The following NSUN7 variants were observed in gnomAD, a reference collection of about 807,000 sequenced individuals.
The protein encoded by NSUN7 is NOP2/Sun RNA methyltransferase family member 7.
A neutral mutation model predicts 58.5 loss-of-function variants in NSUN7; 39 were observed. That is an observed-to-expected ratio of 0.67 (90% CI 0.52 to 0.87). NSUN7 has a LOEUF of 0.87. NSUN7 is among the 40% of genes least tolerant of loss of function. The pLI is 0.00. For synonymous variants in NSUN7, 278 were observed against 303.7 expected (o/e 0.92, Z 0.88); for missense variants, 765 against 844.1 (o/e 0.91, Z 1.16).
Position 40,776,069 on chromosome 4 carries a change from T to C in NSUN7, c.846T>C (p.Ala282=). 1 of 1,604,990 alleles carries C rather than the reference T, an allele frequency of 6.2e-7. No individual in the cohort carries two copies. The highest frequency in any genetic ancestry group is 1.7e-4 in the Middle Eastern group (1 of 6,026). ...TACAGGACAAATCTCGAAGTCTTGC[T>C]GTCCATTCTGTAAAGGCTTTATTAA... ...LIFQDKSRSL[A]VHSVKALLNM... The change falls in exon 7 of 12, where the codon GCT becomes GCC. Residue 282 remains alanine, a synonymous_variant. Coordinates refer to ENST00000381782, the MANE Select transcript of NSUN7 (RefSeq NM_024677.6).
In NSUN7 at chr4:40,774,943, T is replaced by C. The variant is rs772198680; in HGVS notation, c.818T>C (p.Ile273Thr). The C allele has an allele frequency of 5.4e-6, 6 of 1,106,082 alleles. No homozygotes were observed. Among genetic ancestry groups the C allele is most frequent in the African/African-American group, 3.1e-5 (2 of 63,554 alleles). The allele number at this position is 1,106,082 out of a possible 1,614,324, so 68.5% of individuals were successfully genotyped here. The change falls in exon 6 of 12, where the codon ATA becomes ACA. Residue 273 changes from isoleucine to threonine, a missense_variant. By Grantham distance (89) the Ile-to-Thr change is moderately conservative. Coordinates refer to ENST00000381782, the MANE Select transcript of NSUN7 (RefSeq NM_024677.6). ...GATCTTTTCAAAGATTACAAACTTA[T>C]ATTTCAGGTAAACTAATATTTACTT... is the stretch of plus-strand genomic sequence containing the variant. ...NIDLFKDYKLIFQDKSRSLAV... is the reference protein window; with the variant it reads ...NIDLFKDYKLTFQDKSRSLAV...
intron 4 of NSUN7, among the ~76,000 whole-genome samples, chr4:40,764,512 C>G (rs1245443823): frequency 6.6e-6 from 1 of 151,976 alleles, no homozygotes; most frequent in Non-Finnish European, 1.5e-5. Context: ...CAAGTCTTTG[C>G]TATTGTGAAT....
At chr4:40,802,878 T>C (rs1163219501) in intron 10 of NSUN7, among the ~76,000 whole-genome samples, 3 of 150,832 alleles carry the variant, frequency 2.0e-5, no homozygotes, top group Non-Finnish European at 4.4e-5. Context: ...CATGCTGGTG[T>C]GCTGCACCCA....
At chr4:40,751,839 T>A (rs1231095429) in intron 2 of NSUN7, among the ~76,000 whole-genome samples, 3 of 151,966 alleles carry the variant, frequency 2.0e-5, no homozygotes, top group Admixed American at 6.6e-5. Context: ...CAAAAAAAAA[T>A]TTAAAAATTA....
chr4:40,750,747 C>A lies in NSUN7; in HGVS notation c.54C>A (p.Ile18=), dbSNP rs778133724. 5.0e-6 allele frequency: 8 copies of A among 1,614,126 alleles called. No individual in the cohort carries two copies. In the Admixed American group the frequency reaches 1.3e-4, roughly 27 times the overall value. ...LEFSNEEDPE[I]ISQLTSLPLS... ...TTTCGAACGAAGAAGATCCCGAGAT[C>A]ATCTCCCAACTCACTTCCCTGCCTC... is the stretch of plus-strand genomic sequence containing the variant. Residue 18 remains isoleucine, a synonymous_variant, in exon 2 of 12, where the codon ATC becomes ATA. Transcript: ENST00000381782.
chr4:40,751,038 CGA>C, intron 2 of NSUN7, 47 bp downstream of exon 2: 1 of 1,587,132 alleles, frequency 6.3e-7, no homozygotes. Flanking sequence ...AAAATAATAG[CGA>C]GAGAATTTGG....
chr4:40,750,641 A>G lies in NSUN7; in HGVS notation c.-53A>G. The G allele has an allele frequency of 6.3e-7, 1 of 1,583,524 alleles. No homozygotes were observed. The highest frequency in any genetic ancestry group is 1.1e-5 in the South Asian group (1 of 87,570). Reference sequence around the variant, plus strand: ...GATGCGAGGAAAGCCGTTTCCTGGAACATCGGAATTCTAACCCCAGGGTGA... The same window carrying G: ...GATGCGAGGAAAGCCGTTTCCTGGAGCATCGGAATTCTAACCCCAGGGTGA... On this transcript the variant is annotated 5_prime_UTR_variant, in exon 2 of 12. Transcript: ENST00000381782.
At position 40,775,826 on chromosome 4, in the gene NSUN7, CAGTA is replaced by C. The variant is rs1336834906; in HGVS notation, c.826-221_826-218del. ...GGCATTGCTTTATACAAAACTTAGA[CAGTA>C]ACAGTCATAATTTAGGCTAAACAAA... On this transcript the variant is annotated intron_variant, in intron 6 of 11. Coordinates refer to ENST00000381782, the MANE Select transcript of NSUN7 (RefSeq NM_024677.6). This position sits in a 1 kb window ranked among gnomAD's most constrained non-coding sequence, Gnocchi z 4.3. Among the ~76,000 whole-genome samples the C allele has an allele frequency of 6.6e-6, 1 of 152,152 alleles. No homozygotes were observed. The highest frequency in any genetic ancestry group is 2.4e-5 in the African/African-American group (1 of 41,452).
At chr4:40,790,991 T>TGCTG (rs1156903707) in intron 8 of NSUN7, among the ~76,000 whole-genome samples, 1 of 152,144 alleles carries the variant, frequency 6.6e-6, no homozygotes, top group Non-Finnish European at 1.5e-5. Context: ...TCAGAAAAGA[T>TGCTG]GCTGGCCAGT....
At chr4:40,753,609 C>A (rs903550912) in intron 2 of NSUN7, among the ~76,000 whole-genome samples, 3 of 152,150 alleles carry the variant, frequency 2.0e-5, no homozygotes, top group African/African-American at 7.2e-5. Flanking sequence ...AACTTCTTTT[C>A]TTGAAACGTT....
chr4:40,763,682 A>G (rs574253191), intron 4 of NSUN7, among the ~76,000 whole-genome samples: 34 of 152,178 alleles, frequency 2.2e-4, no homozygotes, highest in Non-Finnish European at 4.6e-4. Flanking sequence ...TTAAGAGGTC[A>G]GAGGAACCAG....
chr4:40,801,770 T>C (rs977008407), intron 10 of NSUN7, among the ~76,000 whole-genome samples: 1 of 151,342 alleles, frequency 6.6e-6, no homozygotes, highest in Non-Finnish European at 1.5e-5. Context: ...GTGGTGGTGG[T>C]GTACTCCTGT....
chr4:40,794,290 ATGAT>A, intron 8 of NSUN7, 81 bp from the exon 9 acceptor site: 1 of 608,882 alleles, frequency 1.6e-6, no homozygotes, highest in South Asian at 2.9e-5. Context: ...GGTAGGCAAA[ATGAT>A]TGAAAAATTA....
At chr4:40,756,952 C>T (rs544103481) in intron 2 of NSUN7, among the ~76,000 whole-genome samples, 1 of 152,272 alleles carries the variant, frequency 6.6e-6, no homozygotes, top group South Asian at 2.1e-4. Flanking sequence ...AAAAAAGGGC[C>T]AGGCGTGGTG....
chr4:40,804,684 G>A (rs889895121), intron 10 of NSUN7, among the ~76,000 whole-genome samples: 3 of 152,110 alleles, frequency 2.0e-5, no homozygotes, highest in South Asian at 2.1e-4. Flanking sequence ...TGGAGGGCAC[G>A]AAGGTGAGCA....
At chr4:40,758,148 G>C (rs1741268112) in intron 2 of NSUN7, among the ~76,000 whole-genome samples, 1 of 152,072 alleles carries the variant, frequency 6.6e-6, no homozygotes, top group African/African-American at 2.4e-5. Context: ...TTGAACTCCT[G>C]ACCTCAGGTG....
chr4:40,753,204 G>A (rs1740923168), intron 2 of NSUN7, among the ~76,000 whole-genome samples: 2 of 151,602 alleles, frequency 1.3e-5, no homozygotes, highest in South Asian at 4.2e-4. Context: ...ACAGTGATAT[G>A]TGTGATAGAT....
At chr4:40,786,109 G>A in intron 7 of NSUN7, 1 of 1,555,334 alleles carries the variant, frequency 6.4e-7, no homozygotes, top group South Asian at 1.2e-5. Context: ...TTTGCACCTG[G>A]AAATGGGGAA....
intron 9 of NSUN7, among the ~76,000 whole-genome samples, chr4:40,796,034 C>T (rs960433422): frequency 1.3e-5 from 2 of 152,164 alleles, no homozygotes; most frequent in African/African-American, 4.8e-5. Context: ...TTCCCTTACC[C>T]TCTAAGACTC....
Sources: allele counts gnomAD v4.1 joint callset (sites outside exome capture counted in the v4.1 genomes callset), GRCh38; gene constraint gnomAD v4.1.1; non-coding constraint Gnocchi (gnomAD v3.1); transcripts MANE v1.5; gene names NCBI Gene and HGNC (gene_info 2026-07-23, HGNC 2026-07-21).